PLXNA2: variants seen among roughly 807,000 people sequenced by gnomAD.
The protein encoded by PLXNA2 is plexin A2, also known as plexin-A2.
A neutral mutation model predicts 193.5 loss-of-function variants in PLXNA2; 91 were observed. The observed-to-expected ratio is 0.47, with a 90% CI of 0.40 to 0.56. The LOEUF is 0.56. Ranked by LOEUF, PLXNA2 falls within the 20% of genes least tolerant of loss-of-function variation. The pLI is 0.00. For synonymous variants in PLXNA2, 997 were observed against 1,027.3 expected (o/e 0.97, Z 0.56); for missense variants, 1,995 against 2,503.2 (o/e 0.80, Z 4.33).
intron 29 of PLXNA2, chr1:208,029,282 G>T: frequency 7.5e-7 from 1 of 1,335,864 alleles, no homozygotes; most frequent in East Asian, 3.3e-5. Flanking sequence ...TAACATCCGA[G>T]GGGTGGGCCT....
chr1:208,192,529 T>A (rs906431478), intron 3 of PLXNA2, among the ~76,000 whole-genome samples: 3 of 152,008 alleles, frequency 2.0e-5, no homozygotes, highest in Non-Finnish European at 4.4e-5. Flanking sequence ...TAAGATACTT[T>A]GATTGAAGAA....
rs1047631231 is a variant in PLXNA2 at position 208,231,632 on chromosome 1, CAATGATT to C, written c.-81+12004_-81+12010del. The stretch of plus-strand genomic sequence containing the variant: ...ACTGTAATACGAACAAGTATTTGTG[CAATGATT>C]TTATAGTTTCCTAAAAATTTCACAT... On this transcript the variant is annotated intron_variant, in intron 1 of 31. Coordinates refer to ENST00000367033, the MANE Select transcript of PLXNA2 (RefSeq NM_025179.4). 1.3e-4 allele frequency among the ~76,000 whole-genome samples: 20 copies of C among 152,304 alleles called. No homozygotes were observed. The Middle Eastern group carries it at 0.017, about 130-fold the overall frequency.
chr1:208,040,242 G>A (rs1424098181), intron 22 of PLXNA2, 184 bp from the exon 23 acceptor site: 5 of 598,806 alleles, frequency 8.3e-6, no homozygotes, highest in African/African-American at 1.9e-5. Context: ...GGGTAGGGGT[G>A]GCTTCTTTCT....
At chr1:208,141,831 C>T in intron 4 of PLXNA2, among the ~76,000 whole-genome samples, 1 of 152,346 alleles carries the variant, frequency 6.6e-6, no homozygotes. Context: ...CTTCCCATCT[C>T]CATAGGCCTG....
rs1226397476 is a variant in PLXNA2, at chr1:208,040,042, C to T, written c.4303G>A (p.Glu1435Lys). ...LLLRRTESVA[E>K]KMLTNWFAFL... ...GCGAACCAATTGGTCAGCATCTTTTCAGCCACAGACTCTGTCCTGGGGAAG... is the reference window on the plus strand; with the variant it reads ...GCGAACCAATTGGTCAGCATCTTTTTAGCCACAGACTCTGTCCTGGGGAAG... The change falls in exon 23 of 32, where the codon GAA becomes AAA. Residue 1435 changes from glutamate to lysine, a missense_variant. Coordinates refer to ENST00000367033, the MANE Select transcript of PLXNA2 (RefSeq NM_025179.4). The T allele has an allele frequency of 1.9e-6, 3 of 1,614,090 alleles. No individual in the cohort carries two copies. Among genetic ancestry groups the T allele is most frequent in the African/African-American group, 1.3e-5 (1 of 75,054 alleles).
At chr1:208,064,164 C>T (rs1046884436) in intron 12 of PLXNA2, among the ~76,000 whole-genome samples, 11 of 152,218 alleles carry the variant, frequency 7.2e-5, no homozygotes, top group African/African-American at 2.7e-4. Flanking sequence ...TCAGTTCTCA[C>T]TCCCAGGTGT....
At chr1:208,029,088 C>A (rs796944945) in intron 29 of PLXNA2, 46 bp from the exon 30 acceptor site, 1 of 1,605,858 alleles carries the variant, frequency 6.2e-7, no homozygotes, top group Non-Finnish European at 8.5e-7. Context: ...GCGGGCCGTG[C>A]CCCTTCTGCT....
chr1:208,122,370 C>T (rs956181497), intron 4 of PLXNA2, among the ~76,000 whole-genome samples: 2 of 152,136 alleles, frequency 1.3e-5, no homozygotes, highest in African/African-American at 4.8e-5. Context: ...TCTGTTTTTG[C>T]CTCTGATTTG....
chr1:208,210,226 C>G (rs1670890852), intron 3 of PLXNA2, 54 bp downstream of exon 3: 1 of 1,577,492 alleles, frequency 6.3e-7, no homozygotes, highest in Middle Eastern at 1.7e-4. Context: ...CCAAGAGGGA[C>G]TCTTTGCTGA....
chr1:208,217,016 C>A lies in PLXNA2; in HGVS notation c.907G>T (p.Ala303Ser), dbSNP rs1430382247. The A allele has an allele frequency of 6.2e-7, 1 of 1,611,650 alleles. No homozygotes were observed. The highest frequency in any genetic ancestry group is 1.1e-5 in the South Asian group (1 of 90,896). ...TGCAGGAGGCGGTATTCCACCCCGG[C>A]CCGGGTGCAGCCGAAGGGCAGGGAC... ...YVSLPFGCTR[A>S]GVEYRLLQAA... The change falls in exon 2 of 32, where the codon GCC becomes TCC. Residue 303 changes from alanine (A) to serine (S), a missense_variant. Transcript: ENST00000367033. The surrounding 1 kb of genome is among the most constrained non-coding windows in gnomAD (Gnocchi z 4.7).
At chr1:208,105,622 C>T (rs186877794) in intron 4 of PLXNA2, among the ~76,000 whole-genome samples, 137 of 152,318 alleles carry the variant, frequency 9.0e-4, no homozygotes, top group African/African-American at 2.0e-3. Context: ...TCATGGCCCA[C>T]GATGCCTACA....
chr1:208,060,448 G>A (rs1016399162), intron 13 of PLXNA2, among the ~76,000 whole-genome samples: 1 of 152,166 alleles, frequency 6.6e-6, no homozygotes, highest in Admixed American at 6.5e-5. Flanking sequence ...ATGAGGGACG[G>A]TCAGGGCCGG....
At chr1:208,165,796 C>T (rs757057847) in intron 3 of PLXNA2, among the ~76,000 whole-genome samples, 44 of 152,258 alleles carry the variant, frequency 2.9e-4, no homozygotes, top group African/African-American at 8.7e-4. Flanking sequence ...CTCAAGCCTC[C>T]GGTGACTTCA....
At chr1:208,052,672 A>T (rs765752360) in intron 14 of PLXNA2, among the ~76,000 whole-genome samples, 6 of 152,108 alleles carry the variant, frequency 3.9e-5, no homozygotes, top group Non-Finnish European at 7.4e-5. Context: ...AAGGCAGAAG[A>T]GTCATGTGGG....
chr1:208,147,667 T>C (rs1236270644), intron 3 of PLXNA2, among the ~76,000 whole-genome samples: 1 of 152,208 alleles, frequency 6.6e-6, no homozygotes, highest in Non-Finnish European at 1.5e-5. Context: ...ACAGGAGAGT[T>C]AGGCAACTCT....
intron 27 of PLXNA2, 92 bp from the exon 28 acceptor site, chr1:208,033,601 C>A (rs6702082): frequency 3.0e-6 from 3 of 1,008,496 alleles, no homozygotes; most frequent in Admixed American, 2.6e-5. Context: ...CTGCTGCATC[C>A]ACTCAGAATA....
At chr1:208,084,710 G>T (rs1666454764) in intron 9 of PLXNA2, 130 bp from the exon 10 acceptor site, 1 of 768,264 alleles carries the variant, frequency 1.3e-6, no homozygotes, top group Non-Finnish European at 2.1e-6. Flanking sequence ...AAGGCCCGTG[G>T]AATGGGCAGG....
chr1:208,168,752 A>G (rs1347673858), intron 3 of PLXNA2, among the ~76,000 whole-genome samples: 1 of 32,392 alleles, frequency 3.1e-5, no homozygotes, highest in Non-Finnish European at 8.2e-5. Flanking sequence ...TTTTTTTTTT[A>G]GAATGACAGG....
intron 3 of PLXNA2, among the ~76,000 whole-genome samples, chr1:208,171,584 T>A (rs1464127846): frequency 6.6e-6 from 1 of 152,178 alleles, no homozygotes; most frequent in African/African-American, 2.4e-5. Flanking sequence ...TCCCAACACC[T>A]TCATGCCTCA....
Sources: gnomAD v4.1 joint callset for allele counts (sites outside exome capture counted in the v4.1 genomes callset) on GRCh38, gnomAD v4.1.1 for gene constraint, Gnocchi (gnomAD v3.1) non-coding constraint, MANE v1.5 for transcripts, NCBI Gene and HGNC (gene_info 2026-07-23, HGNC 2026-07-21) for gene names.